The following SORCS1 variants were observed in gnomAD, a reference collection of about 807,000 sequenced individuals.
The protein encoded by SORCS1 is sortilin related VPS10 domain containing receptor 1.
SORCS1 carries 60 observed loss-of-function variants against 146.1 expected under a neutral mutation model. The ratio of observed to expected loss-of-function variants is 0.41; its 90% CI spans 0.33 to 0.51. The LOEUF (loss-of-function observed/expected upper bound fraction) is 0.51, where lower values mean the gene tolerates loss of function less well. Ranked by LOEUF, SORCS1 falls within the 20% of genes least tolerant of loss-of-function variation. The pLI, the probability that SORCS1 is intolerant of heterozygous loss-of-function variation, is 0.21. For missense variants in SORCS1, 1,352 were observed against 1,487.6 expected (o/e 0.91, Z 1.50); for synonymous variants, 637 against 584.0 (o/e 1.09, Z -1.31).
chr10:106,578,034 A>G (rs1844671928), intron 25 of SORCS1: 1 of 153,728 alleles, frequency 6.5e-6, no homozygotes, highest in African/African-American at 2.4e-5. Flanking sequence ...TTTCCAAGTA[A>G]GATTAAAAAT....
intron 24 of SORCS1, among the ~76,000 whole-genome samples, chr10:106,595,970 T>C (rs1380279225): frequency 6.6e-6 from 1 of 152,236 alleles, no homozygotes; most frequent in East Asian, 1.9e-4. Flanking sequence ...ATTAAAGCTA[T>C]GTTTCAGACA....
the SORCS1 span, among the ~76,000 whole-genome samples, chr10:107,172,935 A>G: frequency 6.6e-5 from 10 of 152,206 alleles, no homozygotes; most frequent in Non-Finnish European, 1.5e-4. Context: ...GCATTTTTAA[A>G]ATATTTGAAA....
At chr10:107,100,381 GC>G (rs377274985) in intron 1 of SORCS1, among the ~76,000 whole-genome samples, 1 of 152,086 alleles carries the variant, frequency 6.6e-6, no homozygotes, top group African/African-American at 2.4e-5. Context: ...GGGCGTGGTG[GC>G]GGGCGCCTGT....
At chr10:107,163,942 CTTT>C (rs760791074) in intron 1 of SORCS1, 24 bp downstream of exon 1, 1 of 1,597,658 alleles carries the variant, frequency 6.3e-7, no homozygotes, top group Admixed American at 1.7e-5. Flanking sequence ...CTTTCCACCC[CTTT>C]ACCCTCAGTC....
chr10:106,994,086 A>AAAAAG lies in SORCS1; in HGVS notation c.559-37507_559-37506insCTTTT, dbSNP rs1554908001. On this transcript the variant is annotated intron_variant, in intron 1 of 25. Coordinates refer to ENST00000263054, the MANE Select transcript of SORCS1 (RefSeq NM_052918.5). ...CTCAAAAAAAAAAAAAAAAAAAAAA[A>AAAAAG]AGAAAATGAGAAGCAAACAAATTCA... Among the ~76,000 whole-genome samples, 260 of 134,960 alleles carry AAAAAG rather than the reference A, an allele frequency of 1.9e-3. 15 individuals carry two copies. Among genetic ancestry groups the AAAAAG allele is most frequent in the African/African-American group, 8.5e-3 (241 of 28,354 alleles). The allele number at this position is 134,960 out of a possible 152,430, so 88.5% of individuals were successfully genotyped here. A position where few individuals can be genotyped will look rare whatever the true frequency, so the allele number is the denominator to read the frequency against.
chr10:107,059,537 A>G (rs964656856), intron 1 of SORCS1, among the ~76,000 whole-genome samples: 2 of 152,210 alleles, frequency 1.3e-5, no homozygotes, highest in East Asian at 1.9e-4. Flanking sequence ...CAGTAAAACA[A>G]GAAGCCCAGA....
intron 1 of SORCS1, among the ~76,000 whole-genome samples, chr10:107,093,462 C>A (rs1203608144): frequency 6.6e-6 from 1 of 152,120 alleles, no homozygotes; most frequent in Non-Finnish European, 1.5e-5. Flanking sequence ...ATCACAAGGT[C>A]AAGAGATAGA....
At chr10:107,173,943 C>A in the SORCS1 span, among the ~76,000 whole-genome samples, 1 of 152,144 alleles carries the variant, frequency 6.6e-6, no homozygotes, top group African/African-American at 2.4e-5. Context: ...ATTATTAGAA[C>A]ATCATAATAC....
intron 24 of SORCS1, among the ~76,000 whole-genome samples, chr10:106,580,126 A>G (rs1418702587): frequency 2.0e-5 from 3 of 152,194 alleles, no homozygotes; most frequent in African/African-American, 7.2e-5. Flanking sequence ...CGTGAGAGAA[A>G]GAACAGCAAA....
At chr10:107,163,835 G>T in intron 1 of SORCS1, 134 bp downstream of exon 1, 1 of 990,776 alleles carries the variant, frequency 1.0e-6, no homozygotes. Flanking sequence ...CTTGGGGGAA[G>T]TGGGCAGAGA....
chr10:106,668,585 A>G (rs953295336), intron 16 of SORCS1, among the ~76,000 whole-genome samples: 1 of 152,144 alleles, frequency 6.6e-6, no homozygotes. Flanking sequence ...GCAGGCAGCA[A>G]TCGGCAAGCA....
chr10:106,782,495 C>T (rs1860972196), intron 3 of SORCS1, among the ~76,000 whole-genome samples: 1 of 152,114 alleles, frequency 6.6e-6, no homozygotes, highest in Non-Finnish European at 1.5e-5. Flanking sequence ...TCAGGAGACC[C>T]AACCCATTAA....
chr10:107,034,969 T>C (rs1212859349), intron 1 of SORCS1, among the ~76,000 whole-genome samples: 2 of 152,082 alleles, frequency 1.3e-5, no homozygotes, highest in South Asian at 2.1e-4. Flanking sequence ...ATATAATCAA[T>C]GTAATCATTA....
intron 23 of SORCS1, among the ~76,000 whole-genome samples, chr10:106,598,819 GA>G (rs1281611591): frequency 1.3e-5 from 2 of 152,048 alleles, no homozygotes; most frequent in East Asian, 3.9e-4. Flanking sequence ...GTCACCTGCA[GA>G]AGCCCCTGAT....
rs543973846 is a variant in SORCS1, at chr10:106,708,726, C to T, written c.1143+497G>A. On this transcript the variant is annotated intron_variant, in intron 7 of 25. Coordinates refer to ENST00000263054, the MANE Select transcript of SORCS1 (RefSeq NM_052918.5). Reference sequence around the variant, plus strand: ...GACAATAAAAGCTGATTACTCTCCCCCTGGCCTCTGCCTCCCACTATCTCC... The same window carrying T: ...GACAATAAAAGCTGATTACTCTCCCTCTGGCCTCTGCCTCCCACTATCTCC... Among the ~76,000 whole-genome samples the T allele has an allele frequency of 2.0e-5, 3 of 152,250 alleles. No individual in the cohort carries two copies. The South Asian group carries it at 6.2e-4, about 32-fold the overall frequency.
intron 17 of SORCS1, among the ~76,000 whole-genome samples, chr10:106,652,871 A>G (rs1849980676): frequency 6.6e-6 from 1 of 152,222 alleles, no homozygotes; most frequent in East Asian, 1.9e-4. Flanking sequence ...TTTATAAGCT[A>G]GTTGGAGAGA....
chr10:106,737,796 A>C lies in SORCS1; in HGVS notation c.960-7682T>G, dbSNP rs79908845. Among the ~76,000 whole-genome samples the C allele has an allele frequency of 1.8e-3, 276 of 152,310 alleles. 5 individuals carry two copies. In the East Asian group the frequency reaches 0.027, roughly 15 times the overall value. On this transcript the variant is annotated intron_variant, in intron 5 of 25. Transcript: ENST00000263054. ...TGCTCCTGATCCCCAAACAAAAATC[A>C]CAGTGCCAATGAGATACAGAGAAAT...
chr10:106,818,033 C>T lies in SORCS1; in HGVS notation c.726+11541G>A, dbSNP rs970221462. Among the ~76,000 whole-genome samples, 4 of 152,298 alleles carry T rather than the reference C, an allele frequency of 2.6e-5. No homozygotes were observed. In the South Asian group the frequency reaches 6.2e-4, roughly 24 times the overall value. On this transcript the variant is annotated intron_variant, in intron 3 of 25. Coordinates refer to ENST00000263054, the MANE Select transcript of SORCS1 (RefSeq NM_052918.5). ...ATTCCTGAGCTGGGATGGTAAACTCCGTAAGAGCAAAGCGAGGTTCATGTT... is the reference window on the plus strand; with the variant it reads ...ATTCCTGAGCTGGGATGGTAAACTCTGTAAGAGCAAAGCGAGGTTCATGTT...
At chr10:107,068,004 A>G (rs1962050055) in intron 1 of SORCS1, among the ~76,000 whole-genome samples, 1 of 152,174 alleles carries the variant, frequency 6.6e-6, no homozygotes. Context: ...CGCTGCTTCC[A>G]TGGCAAGCTT....
Sources: gnomAD v4.1 joint callset for allele counts (sites outside exome capture counted in the v4.1 genomes callset) on GRCh38, gnomAD v4.1.1 for gene constraint, MANE v1.5 for transcripts, NCBI Gene and HGNC (gene_info 2026-07-23, HGNC 2026-07-21) for gene names.